LTBP1: variants seen among roughly 807,000 people sequenced by gnomAD.
LTBP1 encodes latent transforming growth factor beta binding protein 1.
LTBP1 carries 129 observed loss-of-function variants against 207.6 expected under a neutral mutation model. The ratio of observed to expected loss-of-function variants is 0.62; its 90% confidence interval spans 0.54 to 0.72. The LOEUF (loss-of-function observed/expected upper bound fraction) is 0.72, where lower values mean the gene tolerates loss of function less well. Among genes scored for constraint, LTBP1 ranks in the 30% least tolerant of loss-of-function variants. The pLI, the probability that LTBP1 is intolerant of heterozygous loss-of-function variation, is 0.00. For missense variants in LTBP1, 2,281 were observed against 2,217.2 expected, an observed-to-expected ratio of 1.03 and a Z score of -0.58; for synonymous variants, 963 against 833.7, an observed-to-expected ratio of 1.16 and a Z score of -2.67.
chr2:33,072,073 TG>T (rs1406966315), intron 3 of LTBP1, among the ~76,000 whole-genome samples: 5 of 152,224 alleles, frequency 3.3e-5, no homozygotes, highest in Non-Finnish European at 7.3e-5. Context: ...TCTGAGCCTC[TG>T]GAACTTCTGA....
chr2:33,145,392 G>A (rs188964852), intron 5 of LTBP1, among the ~76,000 whole-genome samples: 81 of 152,250 alleles, frequency 5.3e-4, no homozygotes, highest in African/African-American at 1.8e-3. Context: ...TCCTAGTGTA[G>A]AGATTCAGCC....
At chr2:33,330,670 C>A (rs912713618) in intron 24 of LTBP1, among the ~76,000 whole-genome samples, 9 of 151,330 alleles carry the variant, frequency 5.9e-5, no homozygotes, top group Non-Finnish European at 3.0e-5. Context: ...GATTTTAAAA[C>A]AAGATAAAAA....
At chr2:33,176,320 G>A (rs966560851) in intron 5 of LTBP1, among the ~76,000 whole-genome samples, 5 of 152,180 alleles carry the variant, frequency 3.3e-5, no homozygotes, top group East Asian at 1.9e-4. Context: ...TCCGCCTCCC[G>A]GTTCATGCCA....
chr2:33,066,693 GAA>G (rs1481539492), intron 3 of LTBP1, among the ~76,000 whole-genome samples: 1 of 152,172 alleles, frequency 6.6e-6, no homozygotes, highest in African/African-American at 2.4e-5. Flanking sequence ...ATGCTGTGGT[GAA>G]AAGTTAGAAA....
At chr2:33,201,156 TG>T (rs1281301787) in intron 7 of LTBP1, among the ~76,000 whole-genome samples, 12 of 152,176 alleles carry the variant, frequency 7.9e-5, no homozygotes, top group African/African-American at 2.9e-4. Context: ...TAAATCATGC[TG>T]CTATAAAGAC....
chr2:33,200,473 A>T (rs1036555292), intron 7 of LTBP1, among the ~76,000 whole-genome samples: 8 of 152,352 alleles, frequency 5.3e-5, no homozygotes, highest in Non-Finnish European at 1.2e-4. Context: ...ACAAAAATTA[A>T]TTGAAGATGG....
chr2:32,975,321 T>G (rs544080116), intron 2 of LTBP1, among the ~76,000 whole-genome samples: 2 of 152,272 alleles, frequency 1.3e-5, no homozygotes, highest in Non-Finnish European at 2.9e-5. Flanking sequence ...ATTTATTTTA[T>G]GTTGATCTGG....
rs187018002 is a variant in LTBP1, at chr2:33,389,752, G to A, written c.4834+446G>A. On this transcript the variant is annotated intron_variant, in intron 32 of 33. Coordinates refer to ENST00000404816, the MANE Select transcript of LTBP1 (RefSeq NM_206943.4). ...CCTCCCGGATTCAAGCGATTCTGCTGCCTCAGCCTCCCAAGTAGCTGGGAT... is the reference window on the plus strand; with the variant it reads ...CCTCCCGGATTCAAGCGATTCTGCTACCTCAGCCTCCCAAGTAGCTGGGAT... 3.9e-5 allele frequency among the ~76,000 whole-genome samples: 6 copies of A among 152,266 alleles called. No individual in the cohort carries two copies. In the East Asian group the frequency reaches 1.2e-3, roughly 29 times the overall value.
chr2:33,278,885 A>G (rs1223452253), intron 18 of LTBP1, among the ~76,000 whole-genome samples: 1 of 152,218 alleles, frequency 6.6e-6, no homozygotes, highest in Admixed American at 6.5e-5. Flanking sequence ...AAAAATTACA[A>G]CACTGACCTG....
chr2:33,134,889 G>A lies in LTBP1; in HGVS notation c.1130G>A (p.Gly377Glu). ...AGCTGTCAGAACAGCTGTGAGAAGG[G>A]GAACACCACCACTCTCATTAGTGAG... The part of the protein sequence containing the change: ...KGSCQNSCEK[G>E]NTTTLISENG... Residue 377 changes from glycine to glutamate, a missense_variant, in exon 5 of 34, where the codon GGG becomes GAG. By Grantham distance (98) the Gly-to-Glu change is moderately conservative. Coordinates refer to ENST00000404816, the MANE Select transcript of LTBP1 (RefSeq NM_206943.4). The surrounding 1 kb of genome is among the most constrained non-coding windows in gnomAD (Gnocchi z 4.4). 6.2e-7 allele frequency: 1 copy of A among 1,613,974 alleles called. No homozygotes were observed. The highest frequency in any genetic ancestry group is 8.5e-7 in the Non-Finnish European group (1 of 1,179,992).
At chr2:32,996,222 G>T (rs193076700) in intron 2 of LTBP1, among the ~76,000 whole-genome samples, 3 of 152,280 alleles carry the variant, frequency 2.0e-5, no homozygotes, top group African/African-American at 7.2e-5. Flanking sequence ...CAAGATCAGG[G>T]TGCCAGCTGC....
intron 5 of LTBP1, among the ~76,000 whole-genome samples, chr2:33,136,283 G>A (rs1208736218): frequency 1.3e-5 from 2 of 152,220 alleles, no homozygotes; most frequent in Non-Finnish European, 2.9e-5. Context: ...AGTCTAATGG[G>A]AAGTGAACTG....
chr2:33,006,448 A>G lies in LTBP1; in HGVS notation c.566-14461A>G, dbSNP rs188266954. Among the ~76,000 whole-genome samples, 59 of 146,352 alleles carry G rather than the reference A, an allele frequency of 4.0e-4. No individual in the cohort carries two copies. In the East Asian group the frequency reaches 0.011, roughly 28 times the overall value. ...ACCCAGGCTGGAGTGCAGTGGCGCA[A>G]TCTTGGCTCACTGCACCCTCCGCCT... On this transcript the variant is annotated intron_variant, in intron 2 of 33. Coordinates refer to ENST00000404816, the MANE Select transcript of LTBP1 (RefSeq NM_206943.4).
At chr2:33,347,190 A>T (rs2094715725) in intron 25 of LTBP1, among the ~76,000 whole-genome samples, 177 bp from the exon 26 acceptor site, 1 of 151,830 alleles carries the variant, frequency 6.6e-6, no homozygotes, top group Non-Finnish European at 1.5e-5. Context: ...CGTACAGACC[A>T]AATCTGACAG....
intron 2 of LTBP1, among the ~76,000 whole-genome samples, chr2:32,958,586 G>A (rs1290116145): frequency 6.6e-6 from 1 of 152,190 alleles, no homozygotes; most frequent in Non-Finnish European, 1.5e-5. Flanking sequence ...CAGTACAAGT[G>A]CCACAGTACA....
At chr2:32,979,914 C>T (rs2148704312) in intron 2 of LTBP1, among the ~76,000 whole-genome samples, 1 of 151,988 alleles carries the variant, frequency 6.6e-6, no homozygotes, top group East Asian at 1.9e-4. Context: ...GCTTTATATC[C>T]CTATATAATG....
At chr2:33,158,529 GA>G (rs1251431452) in intron 5 of LTBP1, among the ~76,000 whole-genome samples, 2 of 152,126 alleles carry the variant, frequency 1.3e-5, no homozygotes, top group Non-Finnish European at 2.9e-5. Context: ...AAATAGGGGT[GA>G]CTTATAGTTC....
At chr2:33,166,523 G>C (rs1007470009) in intron 5 of LTBP1, among the ~76,000 whole-genome samples, 4 of 152,090 alleles carry the variant, frequency 2.6e-5, no homozygotes, top group Admixed American at 2.6e-4. Flanking sequence ...GTTTTATTGT[G>C]GTAACTGAGT....
chr2:33,155,486 C>T (rs1409881057), intron 5 of LTBP1, among the ~76,000 whole-genome samples: 1 of 152,134 alleles, frequency 6.6e-6, no homozygotes, highest in Non-Finnish European at 1.5e-5. Flanking sequence ...AGAGTTTCTC[C>T]ACCTCAGTGT....
Sources: gnomAD v4.1 joint callset for allele counts (sites outside exome capture counted in the v4.1 genomes callset) on GRCh38, gnomAD v4.1.1 for gene constraint, Gnocchi (gnomAD v3.1) non-coding constraint, MANE v1.5 for transcripts, NCBI Gene and HGNC (gene_info 2026-07-23, HGNC 2026-07-21) for gene names.